Variants in NUP188 observed in about 807,000 individuals in gnomAD.
The protein encoded by NUP188 is nucleoporin 188.
NUP188 carries 97 observed loss-of-function variants against 223.0 expected under a neutral mutation model. That is an observed-to-expected ratio of 0.43 (90% confidence interval 0.37 to 0.51). NUP188 has a LOEUF of 0.51. Ranked by LOEUF, NUP188 falls within the 20% of genes least tolerant of loss-of-function variation. The pLI, the probability that NUP188 is intolerant of heterozygous loss-of-function variation, is 0.00. For missense variants in NUP188, 1,947 were observed against 2,175.6 expected (o/e 0.89, Z 2.09); for synonymous variants, 869 against 828.0 (o/e 1.05, Z -0.85).
In NUP188 at chr9:128,956,334, A is replaced by G. The variant is rs766005641; in HGVS notation, c.162-16A>G. 6.8e-7 allele frequency: 1 copy of G among 1,477,286 alleles called. No homozygotes were observed. The highest frequency in any genetic ancestry group is 2.4e-5 in the East Asian group (1 of 42,422). 91.5% of individuals were successfully genotyped at this position (1,477,286 alleles called of 1,614,324 possible). ...GCTATTGAGAATGAAGAAATGATTC[A>G]CTGTTCTTTTTGTAGTCCAAGTTCA... is the stretch of plus-strand genomic sequence containing the variant. On this transcript the variant is annotated splice_polypyrimidine_tract_variant and intron_variant, in intron 3 of 43. Coordinates refer to ENST00000372577, the MANE Select transcript of NUP188 (RefSeq NM_015354.3).
chr9:128,975,371 C>T, intron 12 of NUP188, among the ~76,000 whole-genome samples: 1 of 149,696 alleles, frequency 6.7e-6, no homozygotes, highest in Middle Eastern at 3.3e-3. Context: ...CAACAGGCGC[C>T]TGCCACCATG....
Position 128,984,899 on chromosome 9 carries a change from G to A in NUP188, c.1962-1G>A. The A allele has an allele frequency of 6.2e-7, 1 of 1,601,740 alleles. No homozygotes were observed. On this transcript the variant is annotated splice_acceptor_variant, in intron 19 of 43. Coordinates refer to ENST00000372577, the MANE Select transcript of NUP188 (RefSeq NM_015354.3). LOFTEE classifies it high-confidence loss of function. ...TTTTTTCCCTCTACTTCTTTTTCCA[G>A]TGCGGAAGGGATGAATGCTGGAGGG...
intron 17 of NUP188, 72 bp downstream of exon 17, chr9:128,983,100 C>A: frequency 6.3e-7 from 1 of 1,585,196 alleles, no homozygotes. Context: ...TTTGCAGGAA[C>A]CTGGACACAT....
chr9:128,954,530 G>T (rs565333507), intron 3 of NUP188, among the ~76,000 whole-genome samples: 6 of 152,004 alleles, frequency 3.9e-5, no homozygotes, highest in Non-Finnish European at 8.8e-5. Flanking sequence ...GACTACAGGC[G>T]CCCGCCACCA....
intron 3 of NUP188, among the ~76,000 whole-genome samples, chr9:128,953,522 T>G (rs1841825347): frequency 6.6e-6 from 1 of 152,194 alleles, no homozygotes; most frequent in African/African-American, 2.4e-5. Flanking sequence ...CCTTCCATTT[T>G]CATTCTCTTA....
intron 11 of NUP188, among the ~76,000 whole-genome samples, chr9:128,972,847 C>G (rs1183751955): frequency 2.0e-5 from 3 of 152,132 alleles, no homozygotes; most frequent in African/African-American, 7.2e-5. Flanking sequence ...GGTGCTATAT[C>G]AATTCCCATT....
intron 25 of NUP188, among the ~76,000 whole-genome samples, chr9:128,991,568 G>A (rs78227434): frequency 0.034 from 5,168 of 150,942 alleles, 286 homozygotes; most frequent in African/African-American, 0.12. Context: ...AGGGCTGGGC[G>A]TGGTGGCTCA....
At chr9:128,956,087 A>G (rs1302497482) in intron 3 of NUP188, among the ~76,000 whole-genome samples, 1 of 151,970 alleles carries the variant, frequency 6.6e-6, no homozygotes, top group African/African-American at 2.4e-5. Context: ...GTGTTTACAA[A>G]TAACATTGTT....
chr9:128,988,282 A>G (rs1842367120), intron 24 of NUP188, 96 bp downstream of exon 24: 1 of 1,380,074 alleles, frequency 7.2e-7, no homozygotes, highest in South Asian at 1.3e-5. Context: ...TTTGGATGTC[A>G]ACAGTATTTT....
chr9:129,001,753 G>A (rs2131193362), intron 35 of NUP188, 24 bp downstream of exon 35: 1 of 1,610,824 alleles, frequency 6.2e-7, no homozygotes, highest in East Asian at 2.2e-5. Context: ...CCGAAGGCAG[G>A]AGGGAGCGTC....
chr9:128,975,029 G>A (rs555251753), intron 12 of NUP188, among the ~76,000 whole-genome samples: 4 of 151,942 alleles, frequency 2.6e-5, no homozygotes, highest in Non-Finnish European at 4.4e-5. Flanking sequence ...CCAGAGTGCT[G>A]GGATTATAGG....
In NUP188 at chr9:128,980,641, T is replaced by C; in HGVS notation, c.1305T>C (p.Ser435=). Residue 435 remains serine, a synonymous_variant, in exon 14 of 44, where the codon AGT becomes AGC. Coordinates refer to ENST00000372577, the MANE Select transcript of NUP188 (RefSeq NM_015354.3). The stretch of plus-strand genomic sequence containing the variant: ...CTGGCCTTGGGATCATTCTGGACAG[T>C]GTGTGTGGAATGTTTCCCCACCTTC... ...PTSGLGIILD[S]VCGMFPHLLS... is the part of the protein sequence containing the mutation. 6.2e-7 allele frequency: 1 copy of C among 1,614,124 alleles called. No individual in the cohort carries two copies.
At chr9:129,001,822 T>C in intron 35 of NUP188, 62 bp from the exon 36 acceptor site, 1 of 1,592,106 alleles carries the variant, frequency 6.3e-7, no homozygotes, top group South Asian at 1.1e-5. Flanking sequence ...CTGAGAGCCC[T>C]ACCTACCCTA....
chr9:128,972,554 C>T (rs760497532), intron 11 of NUP188, among the ~76,000 whole-genome samples: 8 of 152,082 alleles, frequency 5.3e-5, no homozygotes, highest in Non-Finnish European at 1.2e-4. Flanking sequence ...TCCAAAAATC[C>T]ATACAATGTA....
chr9:129,006,159 G>A (rs1052281412), intron 42 of NUP188, 36 bp downstream of exon 42: 1 of 1,614,028 alleles, frequency 6.2e-7, no homozygotes, highest in East Asian at 2.2e-5. Flanking sequence ...AAGGGGCTGG[G>A]GCAGTCATGG....
At chr9:128,993,896 G>A (rs1842473243) in intron 27 of NUP188, among the ~76,000 whole-genome samples, 1 of 152,174 alleles carries the variant, frequency 6.6e-6, no homozygotes, top group Non-Finnish European at 1.5e-5. Context: ...GCACCTGGAA[G>A]GTTCAGTTGC....
In NUP188 at chr9:129,001,572, T is replaced by C; in HGVS notation, c.3887T>C (p.Val1296Ala). The C allele has an allele frequency of 6.2e-7, 1 of 1,614,026 alleles. No individual in the cohort carries two copies. ...GLHLAKELCE[V>A]DEDGDSWLQV... ...CACCTGGCCAAGGAGCTGTGTGAGG[T>C]AGACGAGGATGGTGACTCCTGGCTG... The change falls in exon 35 of 44, where the codon GTA becomes GCA. Residue 1296 changes from valine (V) to alanine (A), a missense_variant. Coordinates refer to ENST00000372577, the MANE Select transcript of NUP188 (RefSeq NM_015354.3).
intron 25 of NUP188, 44 bp downstream of exon 25, chr9:128,990,270 T>C: frequency 6.9e-7 from 1 of 1,455,326 alleles, no homozygotes; most frequent in Non-Finnish European, 9.7e-7. Context: ...TATGAGGGTG[T>C]TTTTTTCCCC....
intron 3 of NUP188, among the ~76,000 whole-genome samples, chr9:128,955,525 ATTTAT>A (rs554523728): frequency 3.7e-4 from 56 of 152,046 alleles, no homozygotes; most frequent in Admixed American, 2.5e-3. Flanking sequence ...ACTCAAATAT[ATTTAT>A]TTTATTTATC....
Sources: allele counts gnomAD v4.1 joint callset (sites outside exome capture counted in the v4.1 genomes callset), GRCh38; gene constraint gnomAD v4.1.1; transcripts MANE v1.5; gene names NCBI Gene and HGNC (gene_info 2026-07-23, HGNC 2026-07-21).